CARS1: variants seen among roughly 807,000 people sequenced by gnomAD.
The protein encoded by CARS1 is cysteinyl-tRNA synthetase 1.
Under a neutral mutation model 106.2 loss-of-function variants are expected in CARS1, and 48 were observed. The observed-to-expected ratio is 0.45, with a 90% CI of 0.36 to 0.57. The LOEUF is 0.57. CARS1 is among the 20% of genes least tolerant of loss of function. CARS1 has a pLI of 0.00. For synonymous variants in CARS1, 409 were observed against 403.4 expected (o/e 1.01, Z -0.17); for missense variants, 968 against 1,057.2 (o/e 0.92, Z 1.17).
In CARS1 at chr11:3,019,729, G is replaced by T. The variant is rs939400609; in HGVS notation, c.1267-462C>A. Among the ~76,000 whole-genome samples, 5 of 151,748 alleles carry T rather than the reference G, an allele frequency of 3.3e-5. No homozygotes were observed. The highest frequency in any genetic ancestry group is 7.4e-5 in the Non-Finnish European group (5 of 67,924). The stretch of plus-strand genomic sequence containing the variant: ...TCTCAAAAAAAAAAAAAAGACTAAG[G>T]ATAGCCTTCTTTGGTGAAGTTCATA... On this transcript the variant is annotated intron_variant, in intron 11 of 22. Coordinates refer to ENST00000380525, the MANE Select transcript of CARS1 (RefSeq NM_001014437.3). The surrounding 1 kb of genome is among the most constrained non-coding windows in gnomAD (Gnocchi z 6.2).
chr11:3,042,622 C>T (rs1854627142), intron 2 of CARS1, among the ~76,000 whole-genome samples: 1 of 152,188 alleles, frequency 6.6e-6, no homozygotes, highest in African/African-American at 2.4e-5. Flanking sequence ...ACAGCGTGCC[C>T]AGCACATTCC....
In CARS1 at chr11:3,030,696, G is replaced by A. The variant is rs1007084300; in HGVS notation, c.802-1253C>T. 1.3e-5 allele frequency: 2 copies of A among 152,188 alleles called. No homozygotes were observed. Among genetic ancestry groups the A allele is most frequent in the African/African-American group, 4.8e-5 (2 of 41,434 alleles). 9.4% of individuals were successfully genotyped at this position (152,188 alleles called of 1,614,324 possible). A position where few individuals can be genotyped will look rare whatever the true frequency, so the allele number is the denominator to read the frequency against. On this transcript the variant is annotated intron_variant, in intron 7 of 22. Coordinates refer to ENST00000380525, the MANE Select transcript of CARS1 (RefSeq NM_001014437.3). This position sits in a 1 kb window ranked among gnomAD's most constrained non-coding sequence, Gnocchi z 5.7. ...GACGCTTCAGATGGAGGAGTTATCA[G>A]ATACATAATAAAATCCAGTAAATAT...
At chr11:3,012,304 G>A (rs1210395238) in intron 17 of CARS1, 28 bp from the exon 18 acceptor site, 1 of 1,593,454 alleles carries the variant, frequency 6.3e-7, no homozygotes, top group Non-Finnish European at 8.6e-7. Context: ...TTGGTTCACT[G>A]AGAGCTGCTC....
chr11:3,042,726 T>A (rs1310589631), intron 2 of CARS1, among the ~76,000 whole-genome samples: 1 of 152,146 alleles, frequency 6.6e-6, no homozygotes, highest in Non-Finnish European at 1.5e-5. Flanking sequence ...CAAGGTATGG[T>A]CTGTTCTGCC....
chr11:3,005,630 G>T (rs1409299381), intron 19 of CARS1, among the ~76,000 whole-genome samples, 197 bp from the exon 20 acceptor site: 1 of 107,620 alleles, frequency 9.3e-6, no homozygotes, highest in Admixed American at 1.3e-4. Context: ...GTGTGTGTGT[G>T]ATTTTTTTTT....
In CARS1 at chr11:3,005,353, T is replaced by G; in HGVS notation, c.2217+13A>C. ...AACAAATATCACGCTTAAGTCATTTTCACTTTACTCACCCGTCTCTTTTCT... is the reference window on the plus strand; with the variant it reads ...AACAAATATCACGCTTAAGTCATTTGCACTTTACTCACCCGTCTCTTTTCT... On this transcript the variant is annotated intron_variant, in intron 20 of 22. Coordinates refer to ENST00000380525, the MANE Select transcript of CARS1 (RefSeq NM_001014437.3). 1 of 1,595,432 alleles carries G rather than the reference T, an allele frequency of 6.3e-7. No homozygotes were observed. The highest frequency in any genetic ancestry group is 1.1e-5 in the South Asian group (1 of 90,294).
Position 3,034,881 on chromosome 11 carries a change from G to A in CARS1, c.801+3169C>T, listed in dbSNP as rs185071106. On this transcript the variant is annotated intron_variant, in intron 7 of 22. Coordinates refer to ENST00000380525, the MANE Select transcript of CARS1 (RefSeq NM_001014437.3). This position sits in a 1 kb window ranked among gnomAD's most constrained non-coding sequence, Gnocchi z 6.3. The stretch of plus-strand genomic sequence containing the variant: ...AAAATTTATTTCTTACAATTCTGTA[G>A]GCTGGAAAGTTCAAGGTCAAGGGGC... 4.5e-4 allele frequency among the ~76,000 whole-genome samples: 69 copies of A among 152,226 alleles called. 2 individuals carry two copies. The South Asian group carries it at 7.3e-3, about 16-fold the overall frequency.
At chr11:3,027,980 G>A (rs57217906) in intron 9 of CARS1, 36,357 of 390,360 alleles carry the variant, frequency 0.093, 1,766 homozygotes, top group African/African-American at 0.13. Flanking sequence ...AGGCCTAACC[G>A]TCTCCCTGTG....
In CARS1 at chr11:3,015,841, C is replaced by T; in HGVS notation, c.1926G>A (p.Gly642=). ...LYLTHMLKIF[G]AVEEDSSLGF... is the part of the protein sequence containing the mutation. ...CCAGGGAGCTGTCCTCTTCTACGGC[C>T]CCAAAGATCTAGGAAAAGAAACAGA... Residue 642 remains glycine (G), a synonymous_variant, in exon 17 of 23, where the codon GGG becomes GGA. Transcript: ENST00000380525. The T allele has an allele frequency of 6.2e-7, 1 of 1,614,078 alleles. No homozygotes were observed. The highest frequency in any genetic ancestry group is 8.5e-7 in the Non-Finnish European group (1 of 1,179,994).
At position 3,030,841 on chromosome 11, in the gene CARS1, A is replaced by C. The variant is rs570958605; in HGVS notation, c.802-1398T>G. 2 of 152,328 alleles carry C rather than the reference A, an allele frequency of 1.3e-5. No individual in the cohort carries two copies. Among genetic ancestry groups the C allele is most frequent in the East Asian group, 3.9e-4 (2 of 5,186 alleles). The allele number at this position is 152,328 out of a possible 1,614,324, so 9.4% of individuals were successfully genotyped here. A position where few individuals can be genotyped will look rare whatever the true frequency, so the allele number is the denominator to read the frequency against. ...AAGCAAACGGAACCTGCAGAGATGA[A>C]ATCTATTAACAGGCGAAACAGTCTT... On this transcript the variant is annotated intron_variant, in intron 7 of 22. Transcript: ENST00000380525. The surrounding 1 kb of genome is among the most constrained non-coding windows in gnomAD (Gnocchi z 5.7).
intron 1 of CARS1, among the ~76,000 whole-genome samples, chr11:3,054,249 C>T (rs1855973802): frequency 6.6e-6 from 1 of 152,182 alleles, no homozygotes; most frequent in South Asian, 2.1e-4. Flanking sequence ...CCTCTCTCAC[C>T]CCCAAGAACA....
rs1176686983 is a variant in CARS1, at chr11:3,015,775, A to G, written c.1986+6T>C. The stretch of plus-strand genomic sequence containing the variant: ...TGCAGAAGGCAGGACCCTGCATGCT[A>G]CTCACACTGAGGCTGGTTCCAGGCC... On this transcript the variant is annotated splice_donor_region_variant and intron_variant, in intron 17 of 22. Coordinates refer to ENST00000380525, the MANE Select transcript of CARS1 (RefSeq NM_001014437.3). The G allele has an allele frequency of 1.2e-6, 2 of 1,613,440 alleles. No homozygotes were observed. Among genetic ancestry groups the G allele is most frequent in the Admixed American group, 1.7e-5 (1 of 60,008 alleles).
chr11:3,042,161 T>G lies in CARS1; in HGVS notation c.366+4A>C. The G allele has an allele frequency of 1.2e-6, 2 of 1,612,652 alleles. No homozygotes were observed. The highest frequency in any genetic ancestry group is 1.7e-6 in the Non-Finnish European group (2 of 1,178,744). ...GTGTGCCACGGCATCTGTGTTCTCC[T>G]TACCTTGTTCCTGGTGAGGCTGTTG... On this transcript the variant is annotated splice_donor_region_variant and intron_variant, in intron 3 of 22. Transcript: ENST00000380525.
chr11:3,050,034 T>G lies in CARS1; in HGVS notation c.26-2033A>C, dbSNP rs932919836. Among the ~76,000 whole-genome samples, 3 of 151,860 alleles carry G rather than the reference T, an allele frequency of 2.0e-5. No individual in the cohort carries two copies. Among genetic ancestry groups the G allele is most frequent in the Middle Eastern group, 3.4e-3 (1 of 294 alleles). The stretch of plus-strand genomic sequence containing the variant: ...AGCTGCAGCAGCAAGAATGCCCCAC[T>G]GGGCCGAGCTCTTCACCCGCCAGGG... On this transcript the variant is annotated intron_variant, in intron 1 of 22. Transcript: ENST00000380525. The surrounding 1 kb of genome is among the most constrained non-coding windows in gnomAD (Gnocchi z 6.3).
Position 3,053,270 on chromosome 11 carries a change from A to G in CARS1, c.25+4073T>C, listed in dbSNP as rs1211825569. On this transcript the variant is annotated intron_variant, in intron 1 of 22. Coordinates refer to ENST00000380525, the MANE Select transcript of CARS1 (RefSeq NM_001014437.3). The surrounding 1 kb of genome is among the most constrained non-coding windows in gnomAD (Gnocchi z 6.6). ...TTTTTGAGACGGAGTCTCGCTCGTC[A>G]CCCAGGCTGGAGTGCAGTGGCATGA... Among the ~76,000 whole-genome samples, 8 of 151,902 alleles carry G rather than the reference A, an allele frequency of 5.3e-5. No individual in the cohort carries two copies. Among genetic ancestry groups the G allele is most frequent in the Non-Finnish European group, 1.2e-4 (8 of 67,996 alleles).
Position 3,040,993 on chromosome 11 carries a change from G to A in CARS1, c.367-9C>T, listed in dbSNP as rs1256926696. 6.2e-7 allele frequency: 1 copy of A among 1,613,974 alleles called. No homozygotes were observed. The highest frequency in any genetic ancestry group is 1.7e-5 in the Admixed American group (1 of 60,018). On this transcript the variant is annotated splice_polypyrimidine_tract_variant and intron_variant, in intron 3 of 22. Transcript: ENST00000380525. The surrounding 1 kb of genome is among the most constrained non-coding windows in gnomAD (Gnocchi z 5.8). ...TGAGGTATGAACACTTCCTTTGTTA[G>A]GAATGAAGGAATGACGATCACAAGA...
intron 20 of CARS1, 105 bp from the exon 21 acceptor site, chr11:3,002,705 T>G: frequency 1.3e-6 from 2 of 1,558,194 alleles, no homozygotes; most frequent in Non-Finnish European, 1.7e-6. Context: ...GGGCCTGGCA[T>G]GGAGGGCTGA....
At chr11:3,051,321 G>C (rs1440728551) in intron 1 of CARS1, among the ~76,000 whole-genome samples, 1 of 152,240 alleles carries the variant, frequency 6.6e-6, no homozygotes, top group African/African-American at 2.4e-5. Flanking sequence ...GGGAGCTCTT[G>C]AGGGCCTCTC....
In CARS1 at chr11:3,040,134, C is replaced by T. The variant is rs1328171219; in HGVS notation, c.456-203G>A. On this transcript the variant is annotated intron_variant, in intron 4 of 22. Coordinates refer to ENST00000380525, the MANE Select transcript of CARS1 (RefSeq NM_001014437.3). This position sits in a 1 kb window ranked among gnomAD's most constrained non-coding sequence, Gnocchi z 5.8. ...TGACCTTTATAATGATCCACTTCCA[C>T]CTAATGAATAGTAAATATATTGCCT... is the stretch of plus-strand genomic sequence containing the variant. The T allele has an allele frequency of 1.2e-5, 6 of 508,302 alleles. No homozygotes were observed. Among genetic ancestry groups the T allele is most frequent in the Non-Finnish European group, 2.1e-5 (6 of 290,538 alleles). The allele number at this position is 508,302 out of a possible 1,614,324, so 31.5% of individuals were successfully genotyped here. A position where few individuals can be genotyped will look rare whatever the true frequency, so the allele number is the denominator to read the frequency against.
Sources: gnomAD v4.1 joint callset for allele counts (sites outside exome capture counted in the v4.1 genomes callset) on GRCh38, gnomAD v4.1.1 for gene constraint, Gnocchi (gnomAD v3.1) non-coding constraint, MANE v1.5 for transcripts, NCBI Gene and HGNC (gene_info 2026-07-23, HGNC 2026-07-21) for gene names.